The following PCDHA10 variants were observed in gnomAD, a reference collection of about 807,000 sequenced individuals.
The protein encoded by PCDHA10 is protocadherin alpha-10.
In PCDHA10, 45 loss-of-function variants were observed where a neutral mutation model predicts 61.2. That is an observed-to-expected ratio of 0.74 (90% confidence interval 0.58 to 0.94). The LOEUF (loss-of-function observed/expected upper bound fraction) is 0.94. Among genes scored for constraint, PCDHA10 ranks in the 40% least tolerant of loss-of-function variants. PCDHA10 has a pLI of 0.00. For synonymous variants in PCDHA10, 602 were observed against 548.8 expected, an observed-to-expected ratio of 1.10 and a Z score of -1.35; for missense variants, 1,278 against 1,236.2, an observed-to-expected ratio of 1.03 and a Z score of -0.51.
At chr5:140,932,946 G>A (rs1554209125) in intron 1 of PCDHA10, among the ~76,000 whole-genome samples, 1 of 151,982 alleles carries the variant, frequency 6.6e-6, no homozygotes, top group East Asian at 1.9e-4. Flanking sequence ...TGGAATGAAG[G>A]TGGACTAAAT....
chr5:140,886,539 T>C (rs1463145945), intron 1 of PCDHA10, among the ~76,000 whole-genome samples: 6 of 152,154 alleles, frequency 3.9e-5, no homozygotes, highest in African/African-American at 1.4e-4. Context: ...GTTAGAAAGG[T>C]CTTCCCAGCT....
intron 1 of PCDHA10, chr5:140,881,269 G>T (rs1016077757): frequency 3.1e-6 from 2 of 648,656 alleles, no homozygotes; most frequent in Non-Finnish European, 1.9e-6. Context: ...CAGTGATGAT[G>T]AAGTAAGATG....
intron 1 of PCDHA10, chr5:140,928,265 A>T (rs1208273188): frequency 4.3e-6 from 7 of 1,614,188 alleles, no homozygotes; most frequent in Non-Finnish European, 4.2e-6. Flanking sequence ...GCTGAAAACA[A>T]TGGCCCTGGG....
intron 1 of PCDHA10, among the ~76,000 whole-genome samples, chr5:140,946,909 C>G (rs1290458457): frequency 6.6e-6 from 1 of 151,234 alleles, no homozygotes; most frequent in Non-Finnish European, 1.5e-5. Flanking sequence ...AGAATAAGTT[C>G]TGGTGTTTTA....
At chr5:140,866,236 C>T (rs1554160132) in intron 1 of PCDHA10, 1 of 152,026 alleles carries the variant, frequency 6.6e-6, no homozygotes, top group East Asian at 1.9e-4. Context: ...ATACTATATA[C>T]CAAAAATGAC....
intron 1 of PCDHA10, chr5:140,969,174 G>A (rs777458792): frequency 6.2e-7 from 1 of 1,614,076 alleles, no homozygotes; most frequent in South Asian, 1.1e-5. Flanking sequence ...GGCTCAGGGA[G>A]TGACACTTTC....
chr5:140,966,862 G>C lies in PCDHA10; in HGVS notation c.2389-12087G>C, dbSNP rs782810195. On this transcript the variant is annotated intron_variant, in intron 1 of 3. Transcript: ENST00000307360. ...TGCTACTGCCTCTCCTGCTGCTGTTGCTGCTGCTGCTACCTGGCCCTGCGG... is the reference window on the plus strand; with the variant it reads ...TGCTACTGCCTCTCCTGCTGCTGTTCCTGCTGCTGCTACCTGGCCCTGCGG... The C allele has an allele frequency of 1.2e-5, 18 of 1,562,198 alleles. No individual in the cohort carries two copies. Among genetic ancestry groups the C allele is most frequent in the Non-Finnish European group, 1.5e-5 (18 of 1,164,444 alleles).
At chr5:141,009,262 C>T (rs2098403740) in intron 3 of PCDHA10, among the ~76,000 whole-genome samples, 2 of 152,112 alleles carry the variant, frequency 1.3e-5, no homozygotes, top group Non-Finnish European at 2.9e-5. Flanking sequence ...TGAGACCAGC[C>T]TGGGCAACAT....
chr5:140,928,392 G>T (rs17844366), intron 1 of PCDHA10: 1 of 1,614,052 alleles, frequency 6.2e-7, no homozygotes, highest in Admixed American at 1.7e-5. Context: ...TGCTGGCAGT[G>T]GAATCATCCA....
At chr5:140,927,760 A>G in intron 1 of PCDHA10, 1 of 1,614,206 alleles carries the variant, frequency 6.2e-7, no homozygotes, top group Non-Finnish European at 8.5e-7. Context: ...GCACCCTAAA[A>G]GTGGGGAGGT....
At chr5:140,985,391 C>T (rs2097149590) in intron 3 of PCDHA10, among the ~76,000 whole-genome samples, 1 of 152,136 alleles carries the variant, frequency 6.6e-6, no homozygotes, top group Non-Finnish European at 1.5e-5. Context: ...TCCAGTCACC[C>T]CAACTGTTCC....
At chr5:140,899,508 T>C (rs1389762615) in intron 1 of PCDHA10, among the ~76,000 whole-genome samples, 4 of 151,990 alleles carry the variant, frequency 2.6e-5, no homozygotes, top group Admixed American at 1.3e-4. Flanking sequence ...GATTTGCATA[T>C]ATTGCATCCC....
At chr5:141,003,609 G>A (rs2098131688) in intron 3 of PCDHA10, among the ~76,000 whole-genome samples, 1 of 151,970 alleles carries the variant, frequency 6.6e-6, no homozygotes, top group Non-Finnish European at 1.5e-5. Context: ...CACCATTCCC[G>A]GCCCCAGAGG....
intron 1 of PCDHA10, chr5:140,967,210 C>T (rs146322183): frequency 1.4e-4 from 231 of 1,613,674 alleles, no homozygotes; most frequent in Admixed American, 5.0e-4. Flanking sequence ...CACCGCGTTT[C>T]CCGCGGCCCA....
chr5:140,861,928 T>G (rs1225434437), intron 1 of PCDHA10: 1 of 154,028 alleles, frequency 6.5e-6, no homozygotes, highest in Non-Finnish European at 1.4e-5. Flanking sequence ...ATGTAAATGA[T>G]GATGCCCAGT....
intron 3 of PCDHA10, among the ~76,000 whole-genome samples, chr5:140,990,272 C>A (rs568200508): frequency 6.6e-6 from 1 of 152,196 alleles, no homozygotes; most frequent in African/African-American, 2.4e-5. Flanking sequence ...CAATGTACCC[C>A]GGGTCTTGAG....
intron 1 of PCDHA10, chr5:140,884,505 G>A: frequency 6.2e-7 from 1 of 1,614,170 alleles, no homozygotes. Context: ...AGCGCGGCAG[G>A]GAGTTGGTCG....
At chr5:140,888,173 T>A (rs1231331780) in intron 1 of PCDHA10, among the ~76,000 whole-genome samples, 1 of 152,224 alleles carries the variant, frequency 6.6e-6, no homozygotes, top group African/African-American at 2.4e-5. Context: ...AATAAGATGC[T>A]AGACATTGTG....
intron 1 of PCDHA10, among the ~76,000 whole-genome samples, chr5:140,918,875 T>G (rs1283138930): frequency 2.0e-5 from 3 of 152,188 alleles, no homozygotes; most frequent in African/African-American, 7.2e-5. Context: ...CTTTCAAGCC[T>G]CTAGAACAGT....
Sources: gnomAD v4.1 joint callset for allele counts (sites outside exome capture counted in the v4.1 genomes callset) on GRCh38, gnomAD v4.1.1 for gene constraint, MANE v1.5 for transcripts, NCBI Gene and HGNC (gene_info 2026-07-23, HGNC 2026-07-21) for gene names.